Variants in PCDHGB3 observed in about 807,000 individuals in gnomAD.
PCDHGB3 encodes protocadherin gamma subfamily B, 3, also known as protocadherin gamma-B3.
A neutral mutation model predicts 59.2 loss-of-function variants in PCDHGB3; 40 were observed. The observed-to-expected ratio is 0.68, with a 90% CI of 0.52 to 0.88. PCDHGB3 has a LOEUF of 0.88. Ranked by LOEUF, PCDHGB3 falls within the 40% of genes least tolerant of loss-of-function variation. The probability of loss-of-function intolerance (pLI) is 0.00; values close to 1 mark genes in which losing one functional copy is unlikely to be tolerated. For synonymous variants in PCDHGB3, 581 were observed against 503.6 expected, an observed-to-expected ratio of 1.15 and a Z score of -2.06; for missense variants, 1,309 against 1,187.9, an observed-to-expected ratio of 1.10 and a Z score of -1.50.
chr5:141,485,152 A>T lies in PCDHGB3; in HGVS notation c.2416-9655A>T. 1.3e-6 allele frequency: 2 copies of T among 1,586,090 alleles called. No homozygotes were observed. Among genetic ancestry groups the T allele is most frequent in the Non-Finnish European group, 8.6e-7 (1 of 1,157,176 alleles). ...CTTCATCCGCGTCTCAGGAGCAAGT[A>T]GAGAATTAGCGGGCGGCAGCAATGC... On this transcript the variant is annotated intron_variant, in intron 1 of 3. Coordinates refer to ENST00000576222, the MANE Select transcript of PCDHGB3 (RefSeq NM_018924.5). This position sits in a 1 kb window ranked among gnomAD's most constrained non-coding sequence, Gnocchi z 5.7.
chr5:141,371,316 G>A lies in PCDHGB3; in HGVS notation c.922G>A (p.Asp308Asn). 1 of 1,614,002 alleles carries A rather than the reference G, an allele frequency of 6.2e-7. No individual in the cohort carries two copies. The highest frequency in any genetic ancestry group is 8.5e-7 in the Non-Finnish European group (1 of 1,179,894). The change falls in exon 1 of 4, where the codon GAC becomes AAC. Residue 308 changes from aspartate to asparagine, a missense_variant. Coordinates refer to ENST00000576222, the MANE Select transcript of PCDHGB3 (RefSeq NM_018924.5). Reference protein sequence around the residue: ...TGELTTIGELDFEERDSYTIG... With the variant: ...TGELTTIGELNFEERDSYTIG... ...GGAACTCACCACTATTGGAGAACTG[G>A]ACTTTGAAGAGAGAGATAGCTACAC...
intron 1 of PCDHGB3, among the ~76,000 whole-genome samples, chr5:141,453,322 G>A (rs897661534): frequency 6.6e-6 from 1 of 151,544 alleles, no homozygotes; most frequent in Non-Finnish European, 1.5e-5. Flanking sequence ...TTTTAGAGAT[G>A]GGGTCTCACT....
Position 141,430,721 on chromosome 5 carries a change from T to C in PCDHGB3, c.2415+57912T>C, listed in dbSNP as rs2097305223. The C allele has an allele frequency of 3.4e-6, 5 of 1,489,270 alleles. No homozygotes were observed. The South Asian group carries it at 7.3e-5, about 22-fold the overall frequency. 92.3% of individuals were successfully genotyped at this position (1,489,270 alleles called of 1,614,324 possible). A position where few individuals can be genotyped will look rare whatever the true frequency, so the allele number is the denominator to read the frequency against. On this transcript the variant is annotated intron_variant, in intron 1 of 3. Coordinates refer to ENST00000576222, the MANE Select transcript of PCDHGB3 (RefSeq NM_018924.5). ...AGGAACTGCTCCTGACTTCAGTGGT[T>C]AAGGGCAGAATTGAAAATAATTCTG...
At chr5:141,456,599 A>T (rs2098870253) in intron 1 of PCDHGB3, among the ~76,000 whole-genome samples, 1 of 152,174 alleles carries the variant, frequency 6.6e-6, no homozygotes, top group African/African-American at 2.4e-5. Flanking sequence ...TTTTGATTTG[A>T]TTTTTAAGTC....
chr5:141,381,583 A>G (rs766567706), intron 1 of PCDHGB3, among the ~76,000 whole-genome samples: 1 of 152,214 alleles, frequency 6.6e-6, no homozygotes, highest in Non-Finnish European at 1.5e-5. Context: ...CAGCCAATCC[A>G]TTATCCAGTT....
chr5:141,495,721 G>A (rs2099763243), intron 2 of PCDHGB3, among the ~76,000 whole-genome samples: 1 of 152,100 alleles, frequency 6.6e-6, no homozygotes, highest in Non-Finnish European at 1.5e-5. Context: ...TAACTACACG[G>A]GACCCTTAGT....
chr5:141,478,594 C>T, intron 1 of PCDHGB3: 2 of 1,569,448 alleles, frequency 1.3e-6, no homozygotes, highest in Non-Finnish European at 1.7e-6. Context: ...TTTTTTATTC[C>T]TACATCATAT....
intron 1 of PCDHGB3, chr5:141,441,823 C>T (rs538052540): frequency 3.9e-5 from 14 of 357,336 alleles, no homozygotes; most frequent in Non-Finnish European, 6.6e-5. Context: ...AGCTCTGGAG[C>T]GCAATGGCTT....
At chr5:141,419,034 T>C in intron 1 of PCDHGB3, 1 of 1,613,902 alleles carries the variant, frequency 6.2e-7, no homozygotes, top group Non-Finnish European at 8.5e-7. Flanking sequence ...GGTGTTCCAT[T>C]TAAGATTCAT....
intron 1 of PCDHGB3, chr5:141,411,997 T>A (rs1321898808): frequency 6.6e-6 from 1 of 152,030 alleles, no homozygotes; most frequent in Non-Finnish European, 1.5e-5. Context: ...GAAGGCATAG[T>A]GACATAAACA....
chr5:141,391,749 G>A (rs147297013), intron 1 of PCDHGB3: 1 of 152,154 alleles, frequency 6.6e-6, no homozygotes, highest in African/African-American at 2.4e-5. Flanking sequence ...CTTATCCTTT[G>A]GCTTCTTAGT....
chr5:141,370,379 A>AGGCGCAGAGAGCGGGAAG lies in PCDHGB3; in HGVS notation c.1_2insAGGGCGCAGAGAGCGGGA. Reference sequence around the variant, plus strand: ...CCTCTCCTCGGATTTAGAAAGGCAAAGGCGCAGAGAGCGGGATGGGAAATA... The same window carrying AGGCGCAGAGAGCGGGAAG: ...CCTCTCCTCGGATTTAGAAAGGCAAAGGCGCAGAGAGCGGGAAGGGCGCAGAGAGCGGGATGGGAAATA... On this transcript the variant is annotated 5_prime_UTR_variant, in exon 1 of 4. Transcript: ENST00000576222. 1 of 1,529,484 alleles carries AGGCGCAGAGAGCGGGAAG rather than the reference A, an allele frequency of 6.5e-7. No individual in the cohort carries two copies. The highest frequency in any genetic ancestry group is 8.8e-7 in the Non-Finnish European group (1 of 1,141,258). 94.7% of individuals were successfully genotyped at this position (1,529,484 alleles called of 1,614,324 possible).
chr5:141,394,485 A>G (rs376708104), intron 1 of PCDHGB3: 3 of 1,614,184 alleles, frequency 1.9e-6, no homozygotes, highest in Non-Finnish European at 2.5e-6. Flanking sequence ...CCAGAATGAC[A>G]ACGCGCCCGA....
chr5:141,423,058 A>T (rs1235938743), intron 1 of PCDHGB3: 1 of 1,614,022 alleles, frequency 6.2e-7, no homozygotes, highest in Non-Finnish European at 8.5e-7. Context: ...TCGCCTGCTT[A>T]AGGCCAGCGA....
chr5:141,492,719 C>A (rs1367632029), intron 1 of PCDHGB3, among the ~76,000 whole-genome samples: 1 of 152,280 alleles, frequency 6.6e-6, no homozygotes, highest in Non-Finnish European at 1.5e-5. Context: ...AGCAGGCGGA[C>A]AGGCAGAGCT....
Position 141,489,646 on chromosome 5 carries a change from C to G in PCDHGB3, c.2416-5161C>G, listed in dbSNP as rs1274955075. The G allele has an allele frequency of 1.2e-6, 2 of 1,614,186 alleles. No individual in the cohort carries two copies. Among genetic ancestry groups the G allele is most frequent in the Non-Finnish European group, 1.7e-6 (2 of 1,180,022 alleles). ...TGACAACTCTCCTAGCTTTGCCACC[C>G]CTGAGCGAGAGATGCGCATCTCAGA... On this transcript the variant is annotated intron_variant, in intron 1 of 3. Coordinates refer to ENST00000576222, the MANE Select transcript of PCDHGB3 (RefSeq NM_018924.5). The surrounding 1 kb of genome is among the most constrained non-coding windows in gnomAD (Gnocchi z 4.5).
At position 141,485,396 on chromosome 5, in the gene PCDHGB3, T is replaced by C. The variant is rs1466959644; in HGVS notation, c.2416-9411T>C. 2.5e-6 allele frequency: 4 copies of C among 1,614,042 alleles called. No homozygotes were observed. Among genetic ancestry groups the C allele is most frequent in the Non-Finnish European group, 3.4e-6 (4 of 1,179,960 alleles). On this transcript the variant is annotated intron_variant, in intron 1 of 3. Coordinates refer to ENST00000576222, the MANE Select transcript of PCDHGB3 (RefSeq NM_018924.5). The surrounding 1 kb of genome is among the most constrained non-coding windows in gnomAD (Gnocchi z 5.7). ...CGCTGGAGAGGTGAACCAAAGACAC[T>C]TCCGTGTGGATTTGGACAGCGGAGC...
chr5:141,409,803 C>T (rs779815582), intron 1 of PCDHGB3: 3 of 1,611,528 alleles, frequency 1.9e-6, no homozygotes, highest in African/African-American at 1.3e-5. Flanking sequence ...ACGCTGCAGG[C>T]CCGCGACCAC....
At chr5:141,374,566 T>A in intron 1 of PCDHGB3, 1 of 1,613,700 alleles carries the variant, frequency 6.2e-7, no homozygotes, top group Non-Finnish European at 8.5e-7. Context: ...ATGACCCTGA[T>A]GTGGGAATGA....
Sources: allele counts gnomAD v4.1 joint callset (sites outside exome capture counted in the v4.1 genomes callset), GRCh38; gene constraint gnomAD v4.1.1; non-coding constraint Gnocchi (gnomAD v3.1); transcripts MANE v1.5; gene names NCBI Gene and HGNC (gene_info 2026-07-23, HGNC 2026-07-21).